Variants in ERICH3 observed in about 807,000 individuals in gnomAD.
ERICH3 encodes the protein glutamate-rich protein 3.
Under a neutral mutation model 131.1 loss-of-function variants are expected in ERICH3, and 126 were observed. That is an observed-to-expected ratio of 0.96 (90% CI 0.83 to 1.11). The LOEUF (loss-of-function observed/expected upper bound fraction) is 1.11, where lower values mean the gene tolerates loss of function less well. ERICH3 is among the 50% of genes most tolerant of loss of function. The pLI is 0.00. For synonymous variants in ERICH3, 695 were observed against 644.6 expected (o/e 1.08, Z -1.18); for missense variants, 2,050 against 1,810.7 (o/e 1.13, Z -2.40).
At chr1:74,578,834 C>A (rs964981273) in intron 12 of ERICH3, among the ~76,000 whole-genome samples, 1 of 152,148 alleles carries the variant, frequency 6.6e-6, no homozygotes, top group African/African-American at 2.4e-5. Flanking sequence ...TAATTACTTA[C>A]TGACCCCTCT....
upstream of ERICH3, among the ~76,000 whole-genome samples, chr1:74,674,342 T>C (rs967952223): frequency 1.3e-5 from 2 of 152,194 alleles, no homozygotes; most frequent in African/African-American, 2.4e-5. Flanking sequence ...ATGCAGGGCT[T>C]AGATGAAGCA....
At chr1:74,609,475 A>T (rs1193135169) in intron 9 of ERICH3, among the ~76,000 whole-genome samples, 1 of 152,082 alleles carries the variant, frequency 6.6e-6, no homozygotes, top group African/African-American at 2.4e-5. Flanking sequence ...AGCCAAGGTT[A>T]CAGAAGGTAA....
chr1:74,670,871 G>A (rs1646736177), intron 1 of ERICH3, among the ~76,000 whole-genome samples: 1 of 152,136 alleles, frequency 6.6e-6, no homozygotes, highest in Non-Finnish European at 1.5e-5. Flanking sequence ...TCCTAGCAAG[G>A]AATATTAATA....
chr1:74,618,900 C>T (rs1300316437), intron 8 of ERICH3, among the ~76,000 whole-genome samples: 1 of 152,114 alleles, frequency 6.6e-6, no homozygotes, highest in Admixed American at 6.5e-5. Flanking sequence ...CTTTTAAAAC[C>T]CTATTCACAT....
intron 12 of ERICH3, among the ~76,000 whole-genome samples, chr1:74,583,553 A>T (rs533990172): frequency 6.6e-6 from 1 of 152,166 alleles, no homozygotes; most frequent in Non-Finnish European, 1.5e-5. Flanking sequence ...GACTGAGGTT[A>T]ACCATGAGTA....
At chr1:74,585,462 A>G (rs917992940) in intron 12 of ERICH3, among the ~76,000 whole-genome samples, 1 of 152,174 alleles carries the variant, frequency 6.6e-6, no homozygotes, top group Admixed American at 6.5e-5. Context: ...TCAACCTAAA[A>G]GGTATGAAGG....
Position 74,572,105 on chromosome 1 carries a change from C to G in ERICH3, c.3605G>C (p.Arg1202Thr), listed in dbSNP as rs1160868890. ...TTGGCGGTGCCCTTCCTTCAGGGCC[C>G]TATTCTCCCTGCTGGACAGCTCTTC... ...DREELSSREN[R>T]ALKEGHRQDG... The change falls in exon 14 of 15, where the codon AGG becomes ACG. Residue 1202 changes from arginine (R) to threonine (T), a missense_variant. By Grantham distance (71) the Arg-to-Thr change is moderately conservative. Transcript: ENST00000326665. 3 of 1,614,252 alleles carry G rather than the reference C, an allele frequency of 1.9e-6. No individual in the cohort carries two copies. The South Asian group carries it at 3.3e-5, about 18-fold the overall frequency.
chr1:74,635,510 C>T (rs769947351), intron 6 of ERICH3, among the ~76,000 whole-genome samples: 15 of 152,056 alleles, frequency 9.9e-5, no homozygotes, highest in African/African-American at 2.2e-4. Context: ...ATATATCTTG[C>T]GTTTCTTAAA....
At chr1:74,652,223 T>G (rs1396465544) in intron 1 of ERICH3, among the ~76,000 whole-genome samples, 1 of 152,126 alleles carries the variant, frequency 6.6e-6, no homozygotes, top group Non-Finnish European at 1.5e-5. Context: ...CTAAAGTAAA[T>G]TATATACAGA....
intron 7 of ERICH3, chr1:74,623,674 C>G (rs978090618): frequency 6.6e-6 from 1 of 152,168 alleles, no homozygotes; most frequent in Non-Finnish European, 1.5e-5. Flanking sequence ...TGATATCCCT[C>G]AAAATCTCCC....
chr1:74,672,671 G>A (rs1190217854), intron 1 of ERICH3, among the ~76,000 whole-genome samples: 1 of 152,050 alleles, frequency 6.6e-6, no homozygotes, highest in East Asian at 1.9e-4. Context: ...AGATTGACTA[G>A]GATATTTATC....
intron 6 of ERICH3, among the ~76,000 whole-genome samples, chr1:74,633,329 A>G (rs1013452970): frequency 6.6e-6 from 1 of 151,904 alleles, no homozygotes. Flanking sequence ...GCATTTTGTC[A>G]AGCTCTAATT....
At chr1:74,586,457 T>C in intron 12 of ERICH3, 3 of 984,538 alleles carry the variant, frequency 3.0e-6, no homozygotes, top group Non-Finnish European at 3.6e-6. Context: ...AGAGTAAAGG[T>C]TGGGCGAGAA....
chr1:74,584,288 C>G (rs544033630), intron 12 of ERICH3, among the ~76,000 whole-genome samples: 11 of 152,306 alleles, frequency 7.2e-5, no homozygotes, highest in African/African-American at 2.6e-4. Context: ...CCAGAATAAT[C>G]TTTTCGAAAC....
At chr1:74,663,056 T>C (rs1292839196) in intron 1 of ERICH3, among the ~76,000 whole-genome samples, 1 of 152,142 alleles carries the variant, frequency 6.6e-6, no homozygotes, top group Non-Finnish European at 1.5e-5. Flanking sequence ...TTTCCCCAAA[T>C]TACTCTCTCC....
chr1:74,631,666 T>A (rs190238737), intron 7 of ERICH3, 47 bp downstream of exon 7: 2 of 1,468,354 alleles, frequency 1.4e-6, no homozygotes, highest in Non-Finnish European at 1.9e-6. Flanking sequence ...AATAGTGCAA[T>A]GTAATCTGAG....
intron 1 of ERICH3, among the ~76,000 whole-genome samples, chr1:74,652,461 C>T (rs750903336): frequency 2.4e-4 from 37 of 152,278 alleles, no homozygotes; most frequent in Admixed American, 9.2e-4. Flanking sequence ...CACTGACCAA[C>T]ACAAACTCAG....
chr1:74,571,291 T>A lies in ERICH3; in HGVS notation c.4419A>T (p.Lys1473Asn). ...CCTCCCGTGATAATCCTAATCGGAA[T>A]TTTTCAGCTGCTCCTGTCTCCTGCC... ...DGRQETGAAE[K>N]FRLGLSREGE... The change falls in exon 14 of 15, where the codon AAA becomes AAT. Residue 1473 changes from lysine (K) to asparagine (N), a missense_variant. Lys to Asn is a moderately conservative substitution (Grantham distance 94). Transcript: ENST00000326665. 1 of 1,614,046 alleles carries A rather than the reference T, an allele frequency of 6.2e-7. No homozygotes were observed. Among genetic ancestry groups the A allele is most frequent in the Non-Finnish European group, 8.5e-7 (1 of 1,180,000 alleles).
intron 11 of ERICH3, among the ~76,000 whole-genome samples, chr1:74,598,264 T>C (rs928058165): frequency 3.3e-5 from 5 of 151,930 alleles, no homozygotes; most frequent in Non-Finnish European, 5.9e-5. Context: ...ATGGATTTTA[T>C]GGTCTCGCAT....
Sources: allele counts gnomAD v4.1 joint callset (sites outside exome capture counted in the v4.1 genomes callset), GRCh38; gene constraint gnomAD v4.1.1; transcripts MANE v1.5; gene names NCBI Gene and HGNC (gene_info 2026-07-23, HGNC 2026-07-21).